COL25A1: variants seen among roughly 807,000 people sequenced by gnomAD.
COL25A1 encodes collagen type XXV alpha 1 chain.
A neutral mutation model predicts 128.4 loss-of-function variants in COL25A1; 103 were observed. The ratio of observed to expected loss-of-function variants is 0.80; its 90% CI spans 0.68 to 0.94. The LOEUF (loss-of-function observed/expected upper bound fraction) is 0.94. COL25A1 is among the 40% of genes least tolerant of loss of function. The probability of loss-of-function intolerance (pLI) is 0.00; values close to 1 mark genes in which losing one functional copy is unlikely to be tolerated. For synonymous variants in COL25A1, 279 were observed against 277.2 expected (o/e 1.01, Z -0.06); for missense variants, 745 against 840.0 (o/e 0.89, Z 1.40).
chr4:109,125,201 A>G (rs1768476134), intron 3 of COL25A1, among the ~76,000 whole-genome samples: 1 of 152,160 alleles, frequency 6.6e-6, no homozygotes. Flanking sequence ...TGTGGAGAGA[A>G]GGCAGGTAGT....
At chr4:109,240,981 TTTG>T (rs1337536228) in intron 3 of COL25A1, among the ~76,000 whole-genome samples, 21 of 152,032 alleles carry the variant, frequency 1.4e-4, no homozygotes, top group Non-Finnish European at 2.2e-4. Context: ...CTAAAGTCAA[TTTG>T]TTATTATTTG....
intron 8 of COL25A1, chr4:108,942,163 G>A (rs1386592553): frequency 6.5e-7 from 1 of 1,533,126 alleles, no homozygotes; most frequent in Non-Finnish European, 8.8e-7. Flanking sequence ...TCACGCTTAT[G>A]CTGATTGCAT....
intron 3 of COL25A1, among the ~76,000 whole-genome samples, chr4:109,089,040 A>AG (rs1047081166): frequency 5.3e-5 from 8 of 152,226 alleles, no homozygotes; most frequent in African/African-American, 1.9e-4. Context: ...TAAATGAAAA[A>AG]GGGGCTTCAC....
chr4:109,060,488 T>C lies in COL25A1; in HGVS notation c.368-10309A>G, dbSNP rs530081845. ...GGACCCTGGCAGATGAGGTAAATCA[T>C]AGCATCTGTTTCATTTTTGTGAACA... On this transcript the variant is annotated intron_variant, in intron 3 of 37. Transcript: ENST00000399132. 5.2e-4 allele frequency among the ~76,000 whole-genome samples: 79 copies of C among 152,238 alleles called. 1 individual carries two copies. Among genetic ancestry groups the C allele is most frequent in the African/African-American group, 1.9e-3 (78 of 41,534 alleles).
chr4:109,230,862 C>T (rs187374816), intron 3 of COL25A1, among the ~76,000 whole-genome samples: 44 of 152,118 alleles, frequency 2.9e-4, no homozygotes, highest in African/African-American at 1.0e-3. Context: ...AATTTAAGGC[C>T]GGGCGCAGCG....
chr4:108,872,755 T>C (rs1483415625), intron 19 of COL25A1, among the ~76,000 whole-genome samples: 5 of 133,898 alleles, frequency 3.7e-5, no homozygotes, highest in African/African-American at 1.1e-4. Context: ...TACACACACA[T>C]ATATCTCTCA....
At chr4:108,945,874 AGGCT>A (rs1748676073) in intron 8 of COL25A1, among the ~76,000 whole-genome samples, 1 of 152,120 alleles carries the variant, frequency 6.6e-6, no homozygotes, top group Admixed American at 6.5e-5. Context: ...CATGTTGCCC[AGGCT>A]GGTCTCGAAC....
intron 3 of COL25A1, among the ~76,000 whole-genome samples, chr4:109,080,464 T>C (rs1328583754): frequency 1.3e-5 from 2 of 152,174 alleles, no homozygotes; most frequent in Non-Finnish European, 1.5e-5. Context: ...CGTAAGTCTG[T>C]GATACCCTTA....
At chr4:108,839,718 C>CGGA (rs371478312) in intron 31 of COL25A1, among the ~76,000 whole-genome samples, 314 of 152,280 alleles carry the variant, frequency 2.1e-3, no homozygotes, top group Middle Eastern at 0.01. Context: ...AGGGAACTTG[C>CGGA]ATAGATATCT....
At chr4:108,908,538 G>A (rs1014184182) in intron 13 of COL25A1, among the ~76,000 whole-genome samples, 1 of 152,128 alleles carries the variant, frequency 6.6e-6, no homozygotes, top group Non-Finnish European at 1.5e-5. Context: ...GGACTATTAG[G>A]TTTGCTTATG....
intron 3 of COL25A1, among the ~76,000 whole-genome samples, chr4:109,101,213 A>G (rs1045820897): frequency 2.0e-5 from 3 of 152,222 alleles, no homozygotes; most frequent in Admixed American, 6.5e-5. Flanking sequence ...AAGAACCACA[A>G]GACTCAACGT....
At chr4:109,019,330 ATG>A (rs1757483960) in intron 5 of COL25A1, among the ~76,000 whole-genome samples, 1 of 140,878 alleles carries the variant, frequency 7.1e-6, no homozygotes, top group Non-Finnish European at 1.5e-5. Context: ...TCTCATATAC[ATG>A]TGTGTATACA....
intron 32 of COL25A1, 59 bp downstream of exon 32, chr4:108,832,321 G>A: frequency 7.5e-6 from 9 of 1,195,128 alleles, no homozygotes; most frequent in Non-Finnish European, 1.1e-5. Flanking sequence ...AATTAATATG[G>A]AAAAGCCATG....
intron 3 of COL25A1, among the ~76,000 whole-genome samples, chr4:109,206,585 A>C (rs893501601): frequency 6.6e-6 from 1 of 152,164 alleles, no homozygotes; most frequent in Non-Finnish European, 1.5e-5. Context: ...CTTGCACCTG[A>C]CAACACTTTT....
intron 5 of COL25A1, among the ~76,000 whole-genome samples, chr4:109,044,422 G>A (rs1212686914): frequency 6.6e-6 from 1 of 151,070 alleles, no homozygotes; most frequent in East Asian, 1.9e-4. Flanking sequence ...TAATCTTACA[G>A]TGAGATCTGC....
Position 108,863,947 on chromosome 4 carries a change from G to A in COL25A1, c.1084-560C>T, listed in dbSNP as rs77786274. On this transcript the variant is annotated intron_variant, in intron 20 of 37. Transcript: ENST00000399132. ...GACCTGAGGCCTTCAGACTTGGACC[G>A]AGCCATGCTACCGTCAACCCAGGGT... Among the ~76,000 whole-genome samples, 506 of 152,208 alleles carry A rather than the reference G, an allele frequency of 3.3e-3. 2 individuals carry two copies. Among genetic ancestry groups the A allele is most frequent in the South Asian group, 9.7e-3 (47 of 4,830 alleles).
At chr4:109,060,094 T>C (rs999695883) in intron 3 of COL25A1, among the ~76,000 whole-genome samples, 15 of 152,332 alleles carry the variant, frequency 9.8e-5, no homozygotes, top group African/African-American at 3.6e-4. Flanking sequence ...CTTGTTTTCA[T>C]CTTTAAATAA....
chr4:109,181,815 A>G (rs557583933), intron 3 of COL25A1, among the ~76,000 whole-genome samples: 7 of 152,050 alleles, frequency 4.6e-5, no homozygotes, highest in Non-Finnish European at 8.8e-5. Context: ...TCCTCCCTTC[A>G]GCTGAAATTT....
At chr4:109,083,569 T>C (rs940814941) in intron 3 of COL25A1, among the ~76,000 whole-genome samples, 4 of 146,556 alleles carry the variant, frequency 2.7e-5, no homozygotes, top group Non-Finnish European at 5.9e-5. Context: ...TTCACGCCAT[T>C]CTCCTGCCTC....
Sources: allele counts gnomAD v4.1 joint callset (sites outside exome capture counted in the v4.1 genomes callset), GRCh38; gene constraint gnomAD v4.1.1; transcripts MANE v1.5; gene names NCBI Gene and HGNC (gene_info 2026-07-23, HGNC 2026-07-21).